RALGAPA1: variants seen among roughly 807,000 people sequenced by gnomAD.
RALGAPA1 encodes the protein Ral GTPase activating protein catalytic subunit alpha 1, also known as ral GTPase-activating protein subunit alpha-1.
Under a neutral mutation model 269.6 loss-of-function variants are expected in RALGAPA1, and 52 were observed. The ratio of observed to expected loss-of-function variants is 0.19; its 90% CI spans 0.15 to 0.24. RALGAPA1 has a LOEUF of 0.24. Among genes scored for constraint, RALGAPA1 ranks in the 10% least tolerant of loss-of-function variants. The pLI is 1.00. For missense variants in RALGAPA1, 1,917 were observed against 3,013.9 expected (o/e 0.64, Z 8.52); for synonymous variants, 817 against 1,008.3 (o/e 0.81, Z 3.60).
chr14:35,774,160 C>A (rs1289196853), intron 3 of RALGAPA1, among the ~76,000 whole-genome samples: 1 of 152,132 alleles, frequency 6.6e-6, no homozygotes, highest in Non-Finnish European at 1.5e-5. Context: ...CTCAAATGAA[C>A]CTCCCACCTC....
rs970486124 is a variant in RALGAPA1, at chr14:35,565,213, A to T, written c.7496+5404T>A. ...TCTCAAATTATAATTTGTAATAAGG[A>T]TAAAAAGAAAAGAAAAACAGGATAT... On this transcript the variant is annotated intron_variant, in intron 39 of 41. Transcript: ENST00000680220. 2.6e-5 allele frequency among the ~76,000 whole-genome samples: 4 copies of T among 151,700 alleles called. No homozygotes were observed. The East Asian group carries it at 7.7e-4, about 29-fold the overall frequency.
chr14:35,593,681 AAAC>A (rs1443214366), intron 37 of RALGAPA1, among the ~76,000 whole-genome samples: 9 of 152,042 alleles, frequency 5.9e-5, no homozygotes, highest in Non-Finnish European at 1.0e-4. Flanking sequence ...AAACATGGCA[AAAC>A]CCCATCTCTT....
At chr14:35,750,293 T>A (rs773713225) in intron 9 of RALGAPA1, among the ~76,000 whole-genome samples, 189 bp downstream of exon 9, 4 of 152,172 alleles carry the variant, frequency 2.6e-5, no homozygotes, top group Non-Finnish European at 4.4e-5. Flanking sequence ...CTTCTATACT[T>A]CCCGTTTCAT....
Position 35,618,153 on chromosome 14 carries a change from C to A in RALGAPA1, c.6929+7208G>T, listed in dbSNP as rs59009689. ...ATTCATGTTATGAAGCTGGGTATAA[C>A]CTCAATTCTAAAAACATAACAGGAA... On this transcript the variant is annotated intron_variant, in intron 35 of 41. Transcript: ENST00000680220. Among the ~76,000 whole-genome samples, 79 of 152,146 alleles carry A rather than the reference C, an allele frequency of 5.2e-4. 4 individuals carry two copies. In the East Asian group the frequency reaches 0.014, roughly 26 times the overall value.
In RALGAPA1 at chr14:35,634,768, A is replaced by T; in HGVS notation, c.5812-11T>A. ...ACACCCATGTAAAACCTGAAAATAC[A>T]GGGGGAAACACCCAGTTTTACTTAA... On this transcript the variant is annotated splice_polypyrimidine_tract_variant and intron_variant, in intron 32 of 41. Coordinates refer to ENST00000680220, the MANE Select transcript of RALGAPA1 (RefSeq NM_001346249.2). The T allele has an allele frequency of 6.4e-7, 1 of 1,573,878 alleles. No homozygotes were observed. Among genetic ancestry groups the T allele is most frequent in the Non-Finnish European group, 8.6e-7 (1 of 1,163,230 alleles).
chr14:35,705,000 T>A (rs28660679), intron 16 of RALGAPA1, among the ~76,000 whole-genome samples: 13 of 152,144 alleles, frequency 8.5e-5, no homozygotes, highest in Non-Finnish European at 1.8e-4. Flanking sequence ...TACATTTTTT[T>A]AAATATACAT....
In RALGAPA1 at chr14:35,683,838, G is replaced by C; in HGVS notation, c.4442C>G (p.Ala1481Gly). ...AATAGTTGCAACTTCAGCAGAGAAA[G>C]CTTGCTGATTAAGACTGCTTGTTTC... Reference protein sequence around the residue: ...DSETSSLNQQAFSAEVATITG... With the variant: ...DSETSSLNQQGFSAEVATITG... Residue 1481 changes from alanine (A) to glycine (G), a missense_variant, in exon 21 of 42, where the codon GCT (alanine) becomes GGT (glycine). By Grantham distance (60) the Ala-to-Gly change is moderately conservative (BLOSUM62 0). This residue lies in a region of RALGAPA1 where 615 missense variants were observed against 790.0 expected (regional missense o/e 0.78). Coordinates refer to ENST00000680220, the MANE Select transcript of RALGAPA1 (RefSeq NM_001346249.2). 6.2e-7 allele frequency: 1 copy of C among 1,603,102 alleles called. No individual in the cohort carries two copies. The highest frequency in any genetic ancestry group is 1.3e-5 in the African/African-American group (1 of 74,864).
chr14:35,546,930 T>C (rs1157098198), intron 41 of RALGAPA1, among the ~76,000 whole-genome samples: 1 of 152,154 alleles, frequency 6.6e-6, no homozygotes, highest in Non-Finnish European at 1.5e-5. Context: ...CTCTTAAGAG[T>C]AAATATTTCA....
At chr14:35,680,608 A>C (rs201659983) in intron 21 of RALGAPA1, among the ~76,000 whole-genome samples, 1 of 135,150 alleles carries the variant, frequency 7.4e-6, no homozygotes, top group Non-Finnish European at 1.5e-5. Context: ...TTATTTATTT[A>C]TTTTTTGCTT....
chr14:35,646,884 G>T (rs2062467271), intron 31 of RALGAPA1, among the ~76,000 whole-genome samples: 1 of 152,094 alleles, frequency 6.6e-6, no homozygotes, highest in Non-Finnish European at 1.5e-5. Context: ...AGCAAATGTG[G>T]TGAACCAATA....
chr14:35,785,591 G>A (rs1171517323), intron 1 of RALGAPA1, among the ~76,000 whole-genome samples: 2 of 152,206 alleles, frequency 1.3e-5, no homozygotes, highest in Admixed American at 1.3e-4. Context: ...AACTGTCTGT[G>A]AAGGACCAGT....
At chr14:35,787,392 G>A (rs930585937) in intron 1 of RALGAPA1, among the ~76,000 whole-genome samples, 7 of 152,188 alleles carry the variant, frequency 4.6e-5, no homozygotes, top group Admixed American at 3.9e-4. Flanking sequence ...GAACCTTGAA[G>A]CTAACAATCT....
chr14:35,670,304 G>T (rs536626509), intron 26 of RALGAPA1, among the ~76,000 whole-genome samples: 1 of 152,250 alleles, frequency 6.6e-6, no homozygotes, highest in South Asian at 2.1e-4. Context: ...TGCTCTTCAA[G>T]TTATACAGTA....
At chr14:35,599,665 C>T (rs1412131989) in intron 36 of RALGAPA1, among the ~76,000 whole-genome samples, 1 of 152,156 alleles carries the variant, frequency 6.6e-6, no homozygotes, top group Non-Finnish European at 1.5e-5. Flanking sequence ...ACAAGAATCA[C>T]TTGAACTCAG....
intron 18 of RALGAPA1, among the ~76,000 whole-genome samples, chr14:35,687,640 T>C (rs141343047): frequency 5.3e-5 from 8 of 152,338 alleles, no homozygotes; most frequent in Admixed American, 5.2e-4. Context: ...AGTCTATATA[T>C]GTAAAGTTAT....
chr14:35,764,701 T>C (rs897310426), intron 4 of RALGAPA1, among the ~76,000 whole-genome samples: 18 of 152,066 alleles, frequency 1.2e-4, no homozygotes, highest in Admixed American at 1.1e-3. Flanking sequence ...CATGCCACCA[T>C]GCCTGGATAA....
In RALGAPA1 at chr14:35,734,204, T is replaced by A. The variant is rs1595364805; in HGVS notation, c.1587+4309A>T. On this transcript the variant is annotated intron_variant, in intron 12 of 41. Coordinates refer to ENST00000680220, the MANE Select transcript of RALGAPA1 (RefSeq NM_001346249.2). ...TTCTTCACAGAATTAGAAAAAACAA[T>A]TCTAAAATTCATATGGAACCAAAAA... Among the ~76,000 whole-genome samples the A allele has an allele frequency of 2.0e-5, 3 of 151,922 alleles. No homozygotes were observed. In the East Asian group the frequency reaches 5.8e-4, roughly 29 times the overall value.
chr14:35,639,715 G>A (rs186439621), intron 31 of RALGAPA1, among the ~76,000 whole-genome samples: 2 of 152,120 alleles, frequency 1.3e-5, no homozygotes, highest in Non-Finnish European at 2.9e-5. Context: ...CGAGGTGGGC[G>A]GATCATGAGG....
intron 37 of RALGAPA1, among the ~76,000 whole-genome samples, chr14:35,589,967 T>A (rs769014047): frequency 7.2e-5 from 11 of 152,212 alleles, no homozygotes; most frequent in Non-Finnish European, 1.5e-5. Context: ...GTGCTGGGAT[T>A]ACAAGTGTGA....
Sources: gnomAD v4.1 joint callset for allele counts (sites outside exome capture counted in the v4.1 genomes callset) on GRCh38, gnomAD v4.1.1 for gene constraint, gnomAD v4.1.1 regional missense constraint, MANE v1.5 for transcripts, NCBI Gene and HGNC (gene_info 2026-07-23, HGNC 2026-07-21) for gene names.